IGFL2: variants seen among roughly 807,000 people sequenced by gnomAD.
IGFL2 encodes the protein IGF like family member 2.
In IGFL2, 7 loss-of-function variants were observed where a neutral mutation model predicts 13.9. The observed-to-expected ratio is 0.51, with a 90% CI of 0.29 to 0.95. IGFL2 has a LOEUF of 0.95. Among genes scored for constraint, IGFL2 ranks in the 40% least tolerant of loss-of-function variants. The probability of loss-of-function intolerance (pLI) is 0.08; values close to 1 mark genes in which losing one functional copy is unlikely to be tolerated. For missense variants in IGFL2, 138 were observed against 147.8 expected, an observed-to-expected ratio of 0.93 and a Z score of 0.34; for synonymous variants, 55 against 55.8, an observed-to-expected ratio of 0.99 and a Z score of 0.07.
chr19:46,089,881 G>A, the IGFL2 span, among the ~76,000 whole-genome samples: 1 of 151,812 alleles, frequency 6.6e-6, no homozygotes, highest in East Asian at 1.9e-4. Flanking sequence ...CTTGTACCTG[G>A]ATATTTACAT....
chr19:46,085,538 C>A, the IGFL2 span, among the ~76,000 whole-genome samples: 131 of 152,294 alleles, frequency 8.6e-4, 1 homozygote, highest in African/African-American at 3.0e-3. Flanking sequence ...AGATGGGTCT[C>A]TTGAATACAG....
At chr19:46,210,528 C>T in the IGFL2 span, among the ~76,000 whole-genome samples, 6 of 152,120 alleles carry the variant, frequency 3.9e-5, no homozygotes, top group East Asian at 1.9e-4. Flanking sequence ...AGGCCATCTG[C>T]AAGCTGAGGA....
chr19:46,156,603 A>T (rs1453071028), intron 1 of IGFL2, among the ~76,000 whole-genome samples: 1 of 152,226 alleles, frequency 6.6e-6, no homozygotes, highest in Non-Finnish European at 1.5e-5. Flanking sequence ...TAATGAAATG[A>T]AAATACAATA....
chr19:46,100,596 G>A, the IGFL2 span, among the ~76,000 whole-genome samples: 1 of 152,190 alleles, frequency 6.6e-6, no homozygotes, highest in Non-Finnish European at 1.5e-5. Context: ...GGGCCAGGAT[G>A]ACAGCACCTG....
the IGFL2 span, among the ~76,000 whole-genome samples, chr19:46,183,617 C>T: frequency 5.3e-5 from 8 of 151,890 alleles, no homozygotes; most frequent in African/African-American, 1.9e-4. Flanking sequence ...CTCACTGCAA[C>T]CTCCACCTCC....
At chr19:46,103,122 C>T in the IGFL2 span, among the ~76,000 whole-genome samples, 1 of 152,080 alleles carries the variant, frequency 6.6e-6, no homozygotes, top group Non-Finnish European at 1.5e-5. Context: ...AGAGAGTGCC[C>T]AAGGGGGTTC....
At chr19:46,203,833 C>T in the IGFL2 span, among the ~76,000 whole-genome samples, 1 of 152,180 alleles carries the variant, frequency 6.6e-6, no homozygotes, top group South Asian at 2.1e-4. Flanking sequence ...TCTGCTATCT[C>T]AGCCTCCCGA....
chr19:46,137,406 T>G, the IGFL2 span: 211 of 1,060,408 alleles, frequency 2.0e-4, 1 homozygote, highest in Admixed American at 3.1e-4. Flanking sequence ...AACAGTGCTT[T>G]TTCTTGCTCG....
rs779254556 is a variant in IGFL2 at position 46,148,951 on chromosome 19, G to A, written c.19+654G>A. On this transcript the variant is annotated intron_variant, in intron 1 of 3. Transcript: ENST00000377693. Reference sequence around the variant, plus strand: ...CCAGCCCTGTAGCCCAGGCACTATTGCCTGGAGTTCCTGGGCTCTCAGCGC... The same window carrying A: ...CCAGCCCTGTAGCCCAGGCACTATTACCTGGAGTTCCTGGGCTCTCAGCGC... The A allele has an allele frequency of 2.5e-6, 4 of 1,571,824 alleles. No homozygotes were observed. The South Asian group carries it at 3.5e-5, about 14-fold the overall frequency.
chr19:46,165,882 T>C (rs145069060), downstream of IGFL2, among the ~76,000 whole-genome samples: 57 of 152,366 alleles, frequency 3.7e-4, no homozygotes, highest in African/African-American at 1.3e-3. Flanking sequence ...GGACTTACCA[T>C]GTGGCTACTA....
chr19:46,123,340 G>A, the IGFL2 span, among the ~76,000 whole-genome samples: 2 of 150,718 alleles, frequency 1.3e-5, no homozygotes, highest in South Asian at 4.2e-4. Context: ...TACTTAAACT[G>A]ACATTAACTA....
chr19:46,119,041 G>C, the IGFL2 span, among the ~76,000 whole-genome samples: 1 of 151,986 alleles, frequency 6.6e-6, no homozygotes, highest in Non-Finnish European at 1.5e-5. Flanking sequence ...AGGGATCTCT[G>C]TTTTGTCTGG....
upstream of IGFL2, among the ~76,000 whole-genome samples, chr19:46,144,510 C>T (rs975421352): frequency 5.3e-5 from 8 of 152,196 alleles, no homozygotes; most frequent in Middle Eastern, 3.4e-3. Flanking sequence ...TATACTTACT[C>T]GATGTTTATT....
chr19:46,147,190 TCA>T (rs566660850), upstream of IGFL2, among the ~76,000 whole-genome samples: 129 of 152,330 alleles, frequency 8.5e-4, 2 homozygotes, highest in Middle Eastern at 0.017. Flanking sequence ...TGCTGCATCT[TCA>T]CAGTTTCCCC....
At chr19:46,099,862 G>C in the IGFL2 span, among the ~76,000 whole-genome samples, 3 of 151,902 alleles carry the variant, frequency 2.0e-5, no homozygotes, top group South Asian at 6.2e-4. Context: ...TCTCAGTCTT[G>C]TCTGCTTGCC....
the IGFL2 span, among the ~76,000 whole-genome samples, chr19:46,194,280 C>T: frequency 6.6e-6 from 1 of 152,204 alleles, no homozygotes; most frequent in East Asian, 1.9e-4. Context: ...GGCGTTGACT[C>T]CACGGTCTGC....
intron 1 of IGFL2, among the ~76,000 whole-genome samples, chr19:46,151,209 A>C (rs1196436539): frequency 1.3e-5 from 2 of 152,172 alleles, no homozygotes; most frequent in Admixed American, 1.3e-4. Context: ...ATTTCTGCTA[A>C]GAGTTTTATA....
the IGFL2 span, chr19:46,137,077 A>G: frequency 6.2e-7 from 1 of 1,601,470 alleles, no homozygotes; most frequent in Non-Finnish European, 8.6e-7. Flanking sequence ...ATCCTGGGGA[A>G]GACGGCTTAG....
At chr19:46,181,025 A>G in the IGFL2 span, among the ~76,000 whole-genome samples, 267 of 152,324 alleles carry the variant, frequency 1.8e-3, no homozygotes, top group Non-Finnish European at 3.1e-3. Context: ...AGACACACCT[A>G]GCAACAATAT....
Sources: allele counts gnomAD v4.1 joint callset (sites outside exome capture counted in the v4.1 genomes callset), GRCh38; gene constraint gnomAD v4.1.1; transcripts MANE v1.5; gene names NCBI Gene and HGNC (gene_info 2026-07-23, HGNC 2026-07-21).